The following APBB2 variants were observed in gnomAD, a reference collection of about 807,000 sequenced individuals.
APBB2 encodes amyloid beta precursor protein binding family B member 2.
A neutral mutation model predicts 82.5 loss-of-function variants in APBB2; 38 were observed. The observed-to-expected ratio is 0.46, with a 90% CI of 0.36 to 0.60. APBB2 has a LOEUF of 0.60. Among genes scored for constraint, APBB2 ranks in the 20% least tolerant of loss-of-function variants. The pLI is 0.00. For synonymous variants in APBB2, 341 were observed against 368.2 expected (o/e 0.93, Z 0.85); for missense variants, 772 against 972.3 (o/e 0.79, Z 2.74).
At chr4:41,189,592 C>T (rs772082443) in intron 1 of APBB2, among the ~76,000 whole-genome samples, 55 of 152,158 alleles carry the variant, frequency 3.6e-4, no homozygotes, top group Non-Finnish European at 7.4e-5. Context: ...AACAATAAAA[C>T]AGCCTAACCT....
chr4:41,075,838 A>C (rs571275442), intron 3 of APBB2, among the ~76,000 whole-genome samples: 3 of 152,324 alleles, frequency 2.0e-5, no homozygotes, highest in Admixed American at 6.5e-5. Flanking sequence ...CACTTAGTTC[A>C]TTTTGACAGT....
intron 12 of APBB2, among the ~76,000 whole-genome samples, chr4:40,890,150 T>C (rs1203009550): frequency 4.6e-5 from 7 of 151,978 alleles, no homozygotes; most frequent in Non-Finnish European, 1.0e-4. Context: ...AGGATCAGAG[T>C]TGACAAAAGA....
intron 6 of APBB2, among the ~76,000 whole-genome samples, chr4:41,005,577 A>C (rs1324764963): frequency 6.6e-6 from 1 of 152,102 alleles, no homozygotes. Context: ...AAGGTATGAG[A>C]GCATCACCTG....
chr4:41,014,742 C>A (rs1262896901), intron 5 of APBB2, among the ~76,000 whole-genome samples: 1 of 152,176 alleles, frequency 6.6e-6, no homozygotes, highest in African/African-American at 2.4e-5. Flanking sequence ...GAAAAATCAT[C>A]CCCTTTCCAA....
intron 5 of APBB2, among the ~76,000 whole-genome samples, chr4:41,024,214 CCAAACTATAAAAAG>C (rs1486403224): frequency 6.6e-6 from 1 of 152,052 alleles, no homozygotes; most frequent in African/African-American, 2.4e-5. Flanking sequence ...ATGTACAACC[CCAAACTATAAAAAG>C]CCTGGAAGAC....
intron 6 of APBB2, among the ~76,000 whole-genome samples, chr4:40,994,809 C>CA (rs1803168614): frequency 1.8e-5 from 2 of 109,760 alleles, no homozygotes; most frequent in Non-Finnish European, 1.8e-5. Flanking sequence ...AGCAAGACTC[C>CA]GGAAAAAAAA....
chr4:41,198,534 T>C, intron 1 of APBB2, among the ~76,000 whole-genome samples: 1 of 152,186 alleles, frequency 6.6e-6, no homozygotes, highest in Non-Finnish European at 1.5e-5. Context: ...ATTTTACAGA[T>C]GAGTCAACTG....
chr4:41,210,981 G>A (rs944116347), intron 1 of APBB2, among the ~76,000 whole-genome samples: 6 of 152,296 alleles, frequency 3.9e-5, no homozygotes, highest in East Asian at 1.9e-4. Flanking sequence ...CAGACCAGGC[G>A]TGATGGCTCA....
At chr4:41,014,503 C>G in intron 5 of APBB2, 105 bp from the exon 6 acceptor site, 2 of 1,055,512 alleles carry the variant, frequency 1.9e-6, no homozygotes, top group Non-Finnish European at 2.8e-6. Flanking sequence ...AATGCTTCCA[C>G]TGCACATACA....
chr4:40,948,760 TAA>T (rs34662232), intron 6 of APBB2, among the ~76,000 whole-genome samples: 4,371 of 83,216 alleles, frequency 0.053, 304 homozygotes, highest in African/African-American at 0.19. Flanking sequence ...ACTCCCATCT[TAA>T]AAAAAAAAAA....
intron 2 of APBB2, among the ~76,000 whole-genome samples, chr4:41,135,668 A>T (rs1309359141): frequency 2.0e-5 from 3 of 152,228 alleles, no homozygotes; most frequent in Non-Finnish European, 4.4e-5. Flanking sequence ...AGTATCTTTG[A>T]AAGCTGTTAA....
At chr4:40,898,857 A>ACT (rs1309276758) in intron 10 of APBB2, among the ~76,000 whole-genome samples, 2 of 64,452 alleles carry the variant, frequency 3.1e-5, no homozygotes, top group Non-Finnish European at 7.4e-5. Context: ...ACACACACTC[A>ACT]CACACACACA....
At chr4:41,090,332 G>C (rs891031272) in intron 3 of APBB2, among the ~76,000 whole-genome samples, 1 of 152,136 alleles carries the variant, frequency 6.6e-6, no homozygotes, top group African/African-American at 2.4e-5. Flanking sequence ...AGATTTTCTC[G>C]AAGGATGCTA....
intron 2 of APBB2, among the ~76,000 whole-genome samples, chr4:41,133,911 C>T (rs989581595): frequency 2.0e-5 from 3 of 152,182 alleles, no homozygotes; most frequent in Non-Finnish European, 4.4e-5. Context: ...CAGTAATTCA[C>T]AGCAAGTTCA....
intron 1 of APBB2, among the ~76,000 whole-genome samples, chr4:41,213,562 A>AC (rs1779857543): frequency 6.6e-6 from 1 of 151,706 alleles, no homozygotes; most frequent in Admixed American, 6.6e-5. Flanking sequence ...TTTGCCCCGA[A>AC]CCCGTAGTCT....
chr4:41,064,135 C>A (rs970455429), intron 4 of APBB2, among the ~76,000 whole-genome samples: 2 of 151,644 alleles, frequency 1.3e-5, no homozygotes, highest in Non-Finnish European at 2.9e-5. Flanking sequence ...CCCGCCCCCA[C>A]ACCTGGCTAA....
intron 2 of APBB2, among the ~76,000 whole-genome samples, chr4:41,133,347 AT>A (rs1282014605): frequency 2.0e-5 from 3 of 152,194 alleles, no homozygotes; most frequent in Non-Finnish European, 2.9e-5. Flanking sequence ...TCAGAAGATA[AT>A]TTAATCTCAA....
At chr4:40,979,971 T>G (rs561177393) in intron 6 of APBB2, among the ~76,000 whole-genome samples, 2 of 152,346 alleles carry the variant, frequency 1.3e-5, no homozygotes, top group Admixed American at 1.3e-4. Context: ...ATAAGACACC[T>G]AGGTTTTTTG....
At chr4:40,844,029 G>A (rs1191392880) in intron 12 of APBB2, among the ~76,000 whole-genome samples, 1 of 152,180 alleles carries the variant, frequency 6.6e-6, no homozygotes, top group African/African-American at 2.4e-5. Context: ...AGGGCCAAAG[G>A]GTTTGGCCAA....
Sources: gnomAD v4.1 joint callset for allele counts (sites outside exome capture counted in the v4.1 genomes callset) on GRCh38, gnomAD v4.1.1 for gene constraint, MANE v1.5 for transcripts, NCBI Gene and HGNC (gene_info 2026-07-23, HGNC 2026-07-21) for gene names.